Variants in ZNF704 observed in about 807,000 individuals in gnomAD.
The protein encoded by ZNF704 is glucocorticoid induced gene 1.
ZNF704 carries 10 observed loss-of-function variants against 44.7 expected under a neutral mutation model. That is an observed-to-expected ratio of 0.22 (90% CI 0.14 to 0.38). The LOEUF is 0.38. Among genes scored for constraint, ZNF704 ranks in the 10% least tolerant of loss-of-function variants. The pLI, the probability that ZNF704 is intolerant of heterozygous loss-of-function variation, is 1.00. For missense variants in ZNF704, 390 were observed against 545.5 expected (o/e 0.71, Z 2.84); for synonymous variants, 211 against 207.6 (o/e 1.02, Z -0.14).
At chr8:80,846,133 T>C (rs1201346524) in intron 1 of ZNF704, among the ~76,000 whole-genome samples, 6 of 152,268 alleles carry the variant, frequency 3.9e-5, no homozygotes, top group South Asian at 2.1e-4. Context: ...AACCAGTTTT[T>C]TGATTTTGTA....
At chr8:80,798,938 T>A (rs945394315) in intron 2 of ZNF704, among the ~76,000 whole-genome samples, 16 of 152,186 alleles carry the variant, frequency 1.1e-4, no homozygotes, top group African/African-American at 3.4e-4. Flanking sequence ...GGGAACTCTT[T>A]ACAGAGTCCC....
intron 2 of ZNF704, among the ~76,000 whole-genome samples, chr8:80,705,396 T>C (rs546697613): frequency 2.0e-5 from 3 of 151,676 alleles, no homozygotes; most frequent in Admixed American, 6.6e-5. Flanking sequence ...TCTTGGTCCT[T>C]TGTGTATGTG....
At chr8:80,681,235 A>G (rs953426642) in intron 4 of ZNF704, among the ~76,000 whole-genome samples, 7 of 152,132 alleles carry the variant, frequency 4.6e-5, no homozygotes, top group African/African-American at 1.7e-4. Context: ...GTAAATACAT[A>G]CCTAAGAGTG....
At chr8:80,845,861 G>A (rs531408578) in intron 1 of ZNF704, among the ~76,000 whole-genome samples, 3 of 152,102 alleles carry the variant, frequency 2.0e-5, no homozygotes, top group Non-Finnish European at 4.4e-5. Context: ...AAGGGACAGG[G>A]AAGCATATAC....
At chr8:80,677,430 T>G (rs929925636) in intron 4 of ZNF704, among the ~76,000 whole-genome samples, 5 of 152,210 alleles carry the variant, frequency 3.3e-5, no homozygotes, top group African/African-American at 1.2e-4. Context: ...TTCAGGTAGA[T>G]GATACATTTT....
chr8:80,656,745 A>G (rs1225139669), intron 7 of ZNF704, among the ~76,000 whole-genome samples: 3 of 152,220 alleles, frequency 2.0e-5, no homozygotes, highest in African/African-American at 7.2e-5. Flanking sequence ...GGAAGTGTAC[A>G]AAAGTATCCC....
At chr8:80,720,393 T>C (rs1819145369) in intron 2 of ZNF704, among the ~76,000 whole-genome samples, 1 of 152,240 alleles carries the variant, frequency 6.6e-6, no homozygotes, top group Admixed American at 6.5e-5. Context: ...ATAATGTTTA[T>C]ATATAGGCAA....
intron 2 of ZNF704, among the ~76,000 whole-genome samples, chr8:80,788,736 T>C (rs1219657012): frequency 6.6e-6 from 1 of 152,196 alleles, no homozygotes; most frequent in Non-Finnish European, 1.5e-5. Flanking sequence ...TATACTGCAG[T>C]GGTTTCTTTA....
intron 2 of ZNF704, among the ~76,000 whole-genome samples, chr8:80,782,645 A>G (rs979517370): frequency 6.6e-6 from 1 of 152,164 alleles, no homozygotes; most frequent in Non-Finnish European, 1.5e-5. Flanking sequence ...ATGGGAGTGT[A>G]ACCAGAAGAG....
intron 2 of ZNF704, among the ~76,000 whole-genome samples, chr8:80,744,694 G>A (rs1372843698): frequency 6.6e-6 from 1 of 152,208 alleles, no homozygotes; most frequent in Non-Finnish European, 1.5e-5. Flanking sequence ...CAGGGAACGG[G>A]TGATCTTTGC....
intron 1 of ZNF704, among the ~76,000 whole-genome samples, chr8:80,841,620 A>G (rs936608383): frequency 3.3e-5 from 5 of 152,230 alleles, no homozygotes; most frequent in Admixed American, 3.3e-4. Context: ...ATCACTGCTA[A>G]TAGACTTGTT....
At chr8:80,805,633 G>A (rs544464705) in intron 2 of ZNF704, among the ~76,000 whole-genome samples, 251 of 151,724 alleles carry the variant, frequency 1.7e-3, no homozygotes, top group Middle Eastern at 3.4e-3. Context: ...TTGTTCATTT[G>A]CTTTTAGTGT....
At chr8:80,751,389 C>T (rs1207327958) in intron 2 of ZNF704, among the ~76,000 whole-genome samples, 2 of 152,190 alleles carry the variant, frequency 1.3e-5, no homozygotes, top group African/African-American at 2.4e-5. Context: ...TCTGCTTGGA[C>T]ACTAACAACT....
At chr8:80,743,153 T>C (rs1806789391) in intron 2 of ZNF704, among the ~76,000 whole-genome samples, 2 of 130,274 alleles carry the variant, frequency 1.5e-5, no homozygotes, top group African/African-American at 3.1e-5. Context: ...TCCCTTTGTA[T>C]GGGAGCTCTG....
At chr8:80,772,881 G>T (rs1402201786) in intron 2 of ZNF704, among the ~76,000 whole-genome samples, 3 of 151,982 alleles carry the variant, frequency 2.0e-5, no homozygotes, top group African/African-American at 7.2e-5. Flanking sequence ...TGAGACTTTT[G>T]GTCTTTTCTA....
At chr8:80,839,232 T>C (rs892107952) in intron 1 of ZNF704, among the ~76,000 whole-genome samples, 1 of 152,232 alleles carries the variant, frequency 6.6e-6, no homozygotes, top group African/African-American at 2.4e-5. Context: ...AATTCATCAG[T>C]GGTTGCCACA....
At chr8:80,814,746 C>CT (rs1808147868) in intron 2 of ZNF704, among the ~76,000 whole-genome samples, 1 of 151,852 alleles carries the variant, frequency 6.6e-6, no homozygotes, top group Non-Finnish European at 1.5e-5. Flanking sequence ...GTAAAGTGAC[C>CT]TTTTTTCTTT....
At chr8:80,820,675 A>T (rs1382334863) in intron 2 of ZNF704, among the ~76,000 whole-genome samples, 1 of 152,124 alleles carries the variant, frequency 6.6e-6, no homozygotes, top group Non-Finnish European at 1.5e-5. Context: ...TGAAGGTGGG[A>T]GAATCGCTTG....
rs115454596 is a variant in ZNF704, at chr8:80,655,710, T to G, written c.1032+3875A>C. ...TAAAGATGCTGTGCCCTTCTGTAAG[T>G]ATGCAGGAGAAATTTCTTTTCTTGT... On this transcript the variant is annotated intron_variant, in intron 7 of 8. Transcript: ENST00000327835. 2.9e-3 allele frequency among the ~76,000 whole-genome samples: 447 copies of G among 152,294 alleles called. 2 individuals are homozygous for G. The highest frequency in any genetic ancestry group is 0.01 in the African/African-American group (428 of 41,560).
Sources: gnomAD v4.1 joint callset for allele counts (sites outside exome capture counted in the v4.1 genomes callset) on GRCh38, gnomAD v4.1.1 for gene constraint, MANE v1.5 for transcripts, NCBI Gene and HGNC (gene_info 2026-07-23, HGNC 2026-07-21) for gene names.